The following DNAH5 variants were observed in gnomAD, a reference collection of about 807,000 sequenced individuals.
DNAH5 encodes the protein dynein axonemal heavy chain 5, also known as axonemal beta dynein heavy chain 5.
DNAH5 carries 372 observed loss-of-function variants against 518.2 expected under a neutral mutation model. The ratio of observed to expected loss-of-function variants is 0.72; its 90% CI spans 0.66 to 0.78. The LOEUF (loss-of-function observed/expected upper bound fraction) is 0.78. DNAH5 is among the 30% of genes least tolerant of loss of function. The pLI, the probability that DNAH5 is intolerant of heterozygous loss-of-function variation, is 0.00. For synonymous variants in DNAH5, 2,039 were observed against 2,025.9 expected (o/e 1.01, Z -0.17); for missense variants, 5,523 against 5,687.0 (o/e 0.97, Z 0.93).
At chr5:13,740,084 C>T (rs1748217384) in intron 65 of DNAH5, among the ~76,000 whole-genome samples, 1 of 152,056 alleles carries the variant, frequency 6.6e-6, no homozygotes, top group Admixed American at 6.6e-5. Flanking sequence ...ATGCTCTGGC[C>T]AAAACCTTTG....
intron 56 of DNAH5, 101 bp from the exon 57 acceptor site, chr5:13,769,716 G>C: frequency 2.9e-6 from 3 of 1,035,150 alleles, no homozygotes; most frequent in Non-Finnish European, 4.5e-6. Context: ...TATATCTGAA[G>C]ATTGCATGTA....
intron 65 of DNAH5, among the ~76,000 whole-genome samples, chr5:13,738,712 GA>G (rs1011132547): frequency 6.6e-6 from 1 of 152,160 alleles, no homozygotes; most frequent in Non-Finnish European, 1.5e-5. Context: ...GCCACAGGAA[GA>G]GGAAGCCCAA....
intron 66 of DNAH5, among the ~76,000 whole-genome samples, chr5:13,736,178 G>C (rs893861083): frequency 6.6e-6 from 1 of 151,810 alleles, no homozygotes; most frequent in East Asian, 1.9e-4. Flanking sequence ...TAGACCCCTC[G>C]CAACAATATT....
chr5:13,824,471 T>C (rs1762637912), intron 38 of DNAH5, 138 bp from the exon 39 acceptor site: 2 of 806,224 alleles, frequency 2.5e-6, no homozygotes, highest in South Asian at 3.1e-5. Flanking sequence ...CACAATGGGG[T>C]AAAATATTTC....
intron 25 of DNAH5, among the ~76,000 whole-genome samples, 177 bp downstream of exon 25, chr5:13,867,597 T>C (rs1469382144): frequency 6.7e-6 from 1 of 149,092 alleles, no homozygotes; most frequent in Non-Finnish European, 1.5e-5. Context: ...TAATAGAAAC[T>C]CTAAGGGGAA....
At chr5:13,811,567 A>G in intron 44 of DNAH5, 80 bp downstream of exon 44, 1 of 1,360,720 alleles carries the variant, frequency 7.3e-7, no homozygotes, top group African/African-American at 1.4e-5. Flanking sequence ...CTACATTAAT[A>G]AGAGAGAAAA....
intron 61 of DNAH5, among the ~76,000 whole-genome samples, chr5:13,758,474 G>A (rs910905593): frequency 1.1e-4 from 17 of 152,140 alleles, no homozygotes; most frequent in Non-Finnish European, 2.2e-4. Flanking sequence ...CAGCCTGGAC[G>A]ACAGAGCAAT....
rs142208969 is a variant in DNAH5, at chr5:13,854,544, T to A, written c.4951-3729A>T. 3.6e-3 allele frequency among the ~76,000 whole-genome samples: 549 copies of A among 152,220 alleles called. 4 individuals are homozygous for A. Among genetic ancestry groups the A allele is most frequent in the African/African-American group, 0.013 (527 of 41,534 alleles). Reference sequence around the variant, plus strand: ...ATATTAACCTTAAATGTAAACGGGGTAAATGCCCCAATTAAAAGACACAGA... The same window carrying A: ...ATATTAACCTTAAATGTAAACGGGGAAAATGCCCCAATTAAAAGACACAGA... On this transcript the variant is annotated intron_variant, in intron 30 of 78. Transcript: ENST00000265104.
intron 60 of DNAH5, among the ~76,000 whole-genome samples, chr5:13,762,416 G>C (rs1389878337): frequency 6.6e-6 from 1 of 152,002 alleles, no homozygotes; most frequent in African/African-American, 2.4e-5. Context: ...TTTTTTGTTT[G>C]TTTGTTTTTG....
chr5:13,867,915 A>G lies in DNAH5; in HGVS notation c.3912T>C (p.Tyr1304=). Residue 1304 remains tyrosine (Y), a synonymous_variant, in exon 25 of 79, where the codon TAT becomes TAC. Coordinates refer to ENST00000265104, the MANE Select transcript of DNAH5 (RefSeq NM_001369.3). ...CACGTGCCAGCAGCTTCTCCCAAGC[A>G]TAGTGCAGTGTATCAACTTTGTCTA... ...EEIDKVDTLH[Y]AWEKLLARAG... 1 of 1,614,110 alleles carries G rather than the reference A, an allele frequency of 6.2e-7. No individual in the cohort carries two copies. The highest frequency in any genetic ancestry group is 8.5e-7 in the Non-Finnish European group (1 of 1,179,986).
In DNAH5 at chr5:13,876,580, T is replaced by A. The variant is rs2151928720; in HGVS notation, c.3396+104A>T. On this transcript the variant is annotated intron_variant, in intron 22 of 78. Transcript: ENST00000265104. The stretch of plus-strand genomic sequence containing the variant: ...TACAAGATGCTCCCTGAAAGCACAG[T>A]GTGTGAGACCCAGGCTACATAAAGG... The A allele has an allele frequency of 3.0e-6, 4 of 1,354,736 alleles. No homozygotes were observed. In the South Asian group the frequency reaches 4.2e-5, roughly 14 times the overall value. The allele number at this position is 1,354,736 out of a possible 1,614,324, so 83.9% of individuals were successfully genotyped here.
intron 65 of DNAH5, 62 bp from the exon 66 acceptor site, chr5:13,737,557 A>T: frequency 6.4e-7 from 1 of 1,556,534 alleles, no homozygotes; most frequent in South Asian, 1.1e-5. Flanking sequence ...GTATTCCTTA[A>T]GACGTTAACC....
chr5:13,865,608 A>G lies in DNAH5; in HGVS notation c.4355+60T>C, dbSNP rs7720415. 498,710 of 1,064,608 alleles carry G rather than the reference A, an allele frequency of 0.47. 118,533 individuals carry two copies. Among genetic ancestry groups the G allele is most frequent in the African/African-American group, 0.57 (36,850 of 64,394 alleles). The allele number at this position is 1,064,608 out of a possible 1,614,324, so 65.9% of individuals were successfully genotyped here. A position where few individuals can be genotyped will look rare whatever the true frequency, so the allele number is the denominator to read the frequency against. On this transcript the variant is annotated intron_variant, in intron 27 of 78. Transcript: ENST00000265104. ...GGGTGAAAAGAGAACTTGGCTGCCT[A>G]TCAAAGAGGAAAGCATTTGAAGTTC...
At position 13,808,225 on chromosome 5, in the gene DNAH5, CAA is replaced by C. The variant is rs56686032; in HGVS notation, c.7753-502_7753-501del. 5.1e-4 allele frequency among the ~76,000 whole-genome samples: 44 copies of C among 86,354 alleles called. No homozygotes were observed. The South Asian group carries it at 8.1e-3, about 16-fold the overall frequency. The allele number at this position is 86,354 out of a possible 152,430, so 56.7% of individuals were successfully genotyped here. ...AACCTGGGTGACAGAGACTCCATCT[CAA>C]AAAAAAAAAAAAAAAAAAAAAGAGG... On this transcript the variant is annotated intron_variant, in intron 46 of 78. Transcript: ENST00000265104.
chr5:13,914,491 G>C (rs1561561468), intron 10 of DNAH5, 29 bp downstream of exon 10: 4 of 1,607,932 alleles, frequency 2.5e-6, no homozygotes, highest in Non-Finnish European at 3.4e-6. Context: ...AAAAAGAATA[G>C]AACATCTAAA....
At chr5:13,917,330 G>T in intron 7 of DNAH5, 74 bp from the exon 8 acceptor site, 1 of 1,051,094 alleles carries the variant, frequency 9.5e-7, no homozygotes, top group Non-Finnish European at 1.5e-6. Flanking sequence ...ACTGCTAAGA[G>T]TCACCACAAG....
intron 30 of DNAH5, among the ~76,000 whole-genome samples, chr5:13,854,630 G>A (rs970015004): frequency 1.4e-4 from 21 of 152,040 alleles, no homozygotes; most frequent in South Asian, 2.1e-4. Context: ...CCCATCTCAC[G>A]TGCAAAGACA....
At position 13,864,327 on chromosome 5, in the gene DNAH5, T is replaced by C; in HGVS notation, c.4596+70A>G. The C allele has an allele frequency of 1.9e-6, 3 of 1,593,244 alleles. No individual in the cohort carries two copies. The South Asian group carries it at 3.3e-5, about 18-fold the overall frequency. ...TGAGTGTAGTTTACTGATCCAATAT[T>C]CCATAATATAGAAATGTTATCAAAT... On this transcript the variant is annotated intron_variant, in intron 28 of 78. Coordinates refer to ENST00000265104, the MANE Select transcript of DNAH5 (RefSeq NM_001369.3).
chr5:13,763,296 T>C (rs933127628), intron 59 of DNAH5, among the ~76,000 whole-genome samples: 1 of 152,238 alleles, frequency 6.6e-6, no homozygotes, highest in African/African-American at 2.4e-5. Flanking sequence ...TAAACACACC[T>C]AGGTGTATTC....
Sources: gnomAD v4.1 joint callset for allele counts (sites outside exome capture counted in the v4.1 genomes callset) on GRCh38, gnomAD v4.1.1 for gene constraint, MANE v1.5 for transcripts, NCBI Gene and HGNC (gene_info 2026-07-23, HGNC 2026-07-21) for gene names.